KCNT2: variants seen among roughly 807,000 people sequenced by gnomAD.
KCNT2 encodes potassium sodium-activated channel subfamily T member 2, also known as potassium channel subfamily T member 2.
Under a neutral mutation model 153.8 loss-of-function variants are expected in KCNT2, and 67 were observed. The ratio of observed to expected loss-of-function variants is 0.44; its 90% confidence interval spans 0.36 to 0.53. The LOEUF is 0.53. KCNT2 is among the 20% of genes least tolerant of loss of function. The pLI, the probability that KCNT2 is intolerant of heterozygous loss-of-function variation, is 0.00. For missense variants in KCNT2, 975 were observed against 1,354.8 expected, an observed-to-expected ratio of 0.72 and a Z score of 4.40; for synonymous variants, 500 against 458.8, an observed-to-expected ratio of 1.09 and a Z score of -1.15.
At chr1:196,525,355 T>A (rs1370623547) in intron 1 of KCNT2, among the ~76,000 whole-genome samples, 1 of 152,216 alleles carries the variant, frequency 6.6e-6, no homozygotes, top group Non-Finnish European at 1.5e-5. Context: ...AGTGACACTT[T>A]TTTTTGTATT....
intron 13 of KCNT2, among the ~76,000 whole-genome samples, chr1:196,390,237 T>A (rs1391702030): frequency 6.6e-6 from 1 of 151,612 alleles, no homozygotes; most frequent in Non-Finnish European, 1.5e-5. Flanking sequence ...ATATTCTGTA[T>A]AGTACAATAA....
chr1:196,574,981 T>G (rs1328670350), intron 1 of KCNT2, among the ~76,000 whole-genome samples: 1 of 152,052 alleles, frequency 6.6e-6, no homozygotes, highest in Non-Finnish European at 1.5e-5. Flanking sequence ...ATTGAGTATA[T>G]TATTTAGTAA....
chr1:196,426,548 G>A (rs1673671209), intron 10 of KCNT2, among the ~76,000 whole-genome samples: 1 of 151,782 alleles, frequency 6.6e-6, no homozygotes, highest in African/African-American at 2.4e-5. Context: ...CAAAATATAT[G>A]GTCCTTTGGA....
intron 8 of KCNT2, among the ~76,000 whole-genome samples, chr1:196,462,301 G>T (rs552441001): frequency 1.3e-5 from 2 of 151,506 alleles, no homozygotes; most frequent in Non-Finnish European, 3.0e-5. Context: ...TGGGCATGTC[G>T]CAATGCTGTG....
At chr1:196,598,806 TTAAA>T (rs1352295111) in intron 1 of KCNT2, among the ~76,000 whole-genome samples, 5 of 152,198 alleles carry the variant, frequency 3.3e-5, no homozygotes, top group African/African-American at 9.7e-5. Flanking sequence ...GGTATAAAGA[TTAAA>T]TAAAGTAATA....
chr1:196,424,871 G>GAC (rs532251977), intron 11 of KCNT2, among the ~76,000 whole-genome samples: 8,674 of 149,308 alleles, frequency 0.058, 373 homozygotes, highest in Non-Finnish European at 0.085. Context: ...CCACTAGACA[G>GAC]ACACACACAC....
chr1:196,537,233 T>C (rs549857977), intron 1 of KCNT2, among the ~76,000 whole-genome samples: 79 of 152,300 alleles, frequency 5.2e-4, no homozygotes, highest in Admixed American at 2.7e-3. Flanking sequence ...ATAATATCAT[T>C]AACAAGACCA....
At chr1:196,321,695 A>T (rs933004379) in intron 19 of KCNT2, among the ~76,000 whole-genome samples, 10 of 151,956 alleles carry the variant, frequency 6.6e-5, no homozygotes, top group Admixed American at 5.3e-4. Flanking sequence ...ATCCTGATGA[A>T]GGATATCTAA....
intron 22 of KCNT2, among the ~76,000 whole-genome samples, chr1:196,296,878 A>G (rs1660719117): frequency 6.6e-6 from 1 of 152,084 alleles, no homozygotes; most frequent in African/African-American, 2.4e-5. Context: ...AGACTAGCAA[A>G]ACAGAATCAA....
chr1:196,424,581 A>T (rs1673486558), intron 11 of KCNT2, among the ~76,000 whole-genome samples: 1 of 151,830 alleles, frequency 6.6e-6, no homozygotes, highest in Non-Finnish European at 1.5e-5. Flanking sequence ...AATATAAAGT[A>T]TTTAATCCAC....
At chr1:196,254,132 C>T (rs1030197811) in intron 26 of KCNT2, among the ~76,000 whole-genome samples, 1 of 151,298 alleles carries the variant, frequency 6.6e-6, no homozygotes. Context: ...CATCAATTAC[C>T]CTTTTTGAAT....
Position 196,284,248 on chromosome 1 carries a change from A to AAAAAAAAAAAATAT in KCNT2, c.2697+1408_2697+1409insATATTTTTTTTTTT. ...TCTGTCTTAAAAAAAAAAAAAAAAA[A>AAAAAAAAAAAATAT]ATATATATATATATATATATATATA... On this transcript the variant is annotated intron_variant, in intron 23 of 27. Transcript: ENST00000294725. Among the ~76,000 whole-genome samples, 4 of 10,050 alleles carry AAAAAAAAAAAATAT rather than the reference A, an allele frequency of 4.0e-4. 1 individual carries two copies. The highest frequency in any genetic ancestry group is 5.3e-4 in the Non-Finnish European group (1 of 1,880). 6.6% of individuals were successfully genotyped at this position (10,050 alleles called of 152,430 possible). A position where few individuals can be genotyped will look rare whatever the true frequency, so the allele number is the denominator to read the frequency against.
chr1:196,416,722 TA>T (rs1457420392), intron 12 of KCNT2, among the ~76,000 whole-genome samples: 1 of 152,068 alleles, frequency 6.6e-6, no homozygotes. Context: ...AAAGTTGAAT[TA>T]AAAAATATAT....
intron 14 of KCNT2, among the ~76,000 whole-genome samples, chr1:196,356,099 A>T (rs1221189739): frequency 6.6e-6 from 1 of 151,812 alleles, no homozygotes; most frequent in Non-Finnish European, 1.5e-5. Context: ...TTTACATTTT[A>T]TCATTTGCCC....
chr1:196,306,556 C>T (rs1661655676), intron 21 of KCNT2, among the ~76,000 whole-genome samples: 1 of 152,126 alleles, frequency 6.6e-6, no homozygotes, highest in African/African-American at 2.4e-5. Context: ...ATGCTCCCTC[C>T]TGCTGGGGAG....
At chr1:196,514,416 C>A (rs1442949108) in intron 1 of KCNT2, among the ~76,000 whole-genome samples, 2 of 152,130 alleles carry the variant, frequency 1.3e-5, no homozygotes, top group Non-Finnish European at 2.9e-5. Context: ...TCTTCTTCAG[C>A]CTTCCCCTCA....
At chr1:196,360,097 C>A (rs1572165199) in intron 14 of KCNT2, among the ~76,000 whole-genome samples, 1 of 152,182 alleles carries the variant, frequency 6.6e-6, no homozygotes, top group East Asian at 1.9e-4. Context: ...GAAAACATTT[C>A]TCAGTCAAGT....
chr1:196,333,712 A>T (rs1223539416), intron 17 of KCNT2, 135 bp downstream of exon 17: 1 of 633,684 alleles, frequency 1.6e-6, no homozygotes, highest in Non-Finnish European at 2.8e-6. Context: ...TGGTAGAAGT[A>T]TATAGGAATG....
At chr1:196,484,195 T>A (rs1338452141) in intron 3 of KCNT2, among the ~76,000 whole-genome samples, 1 of 152,062 alleles carries the variant, frequency 6.6e-6, no homozygotes, top group Non-Finnish European at 1.5e-5. Flanking sequence ...AAAATCTGCT[T>A]GACTTTCATA....
Sources: allele counts gnomAD v4.1 joint callset (sites outside exome capture counted in the v4.1 genomes callset), GRCh38; gene constraint gnomAD v4.1.1; transcripts MANE v1.5; gene names NCBI Gene and HGNC (gene_info 2026-07-23, HGNC 2026-07-21).